Variants in UBR3 observed in about 807,000 individuals in gnomAD.
UBR3 encodes E3 ubiquitin-protein ligase UBR3.
In UBR3, 85 loss-of-function variants were observed where a neutral mutation model predicts 243.2. The ratio of observed to expected loss-of-function variants is 0.35; its 90% CI spans 0.29 to 0.42. UBR3 has a LOEUF of 0.42. Ranked by LOEUF, UBR3 falls within the 10% of genes least tolerant of loss-of-function variation. UBR3 has a pLI of 1.00. For missense variants in UBR3, 1,686 were observed against 2,300.8 expected, an observed-to-expected ratio of 0.73 and a Z score of 5.47; for synonymous variants, 748 against 799.8, an observed-to-expected ratio of 0.94 and a Z score of 1.09.
chr2:169,844,279 G>A (rs755771495), intron 1 of UBR3, among the ~76,000 whole-genome samples: 2 of 152,098 alleles, frequency 1.3e-5, no homozygotes, highest in Non-Finnish European at 2.9e-5. Context: ...GATTACAGGC[G>A]TGAGCCACTG....
intron 1 of UBR3, among the ~76,000 whole-genome samples, chr2:169,852,688 CAA>C (rs34608160): frequency 1.2e-4 from 12 of 99,338 alleles, no homozygotes; most frequent in Admixed American, 1.0e-4. Context: ...ACTAAAAATA[CAA>C]AAAAAAAAAA....
rs1378185774 is a variant in UBR3, at chr2:169,967,231, C to G, written c.3634+8705C>G. The stretch of plus-strand genomic sequence containing the variant: ...ATTAAAGCAAATTGAGGAGAGTATG[C>G]CCCCCCCACCCCCCTACAGGGTATG... On this transcript the variant is annotated intron_variant, in intron 24 of 38. Coordinates refer to ENST00000272793, the MANE Select transcript of UBR3 (RefSeq NM_172070.4). Among the ~76,000 whole-genome samples the G allele has an allele frequency of 5.9e-3, 611 of 103,998 alleles. 2 individuals carry two copies. Among genetic ancestry groups the G allele is most frequent in the African/African-American group, 0.02 (591 of 29,146 alleles). The allele number at this position is 103,998 out of a possible 152,430, so 68.2% of individuals were successfully genotyped here.
In UBR3 at chr2:169,949,922, C is replaced by T. The variant is rs372803850; in HGVS notation, c.3402C>T (p.Ala1134=). 6.1e-5 allele frequency: 99 copies of T among 1,613,240 alleles called. No homozygotes were observed. The African/African-American group carries it at 6.7e-4, about 11-fold the overall frequency. ...ACAGTCATGGAGATGGTATAACTGC[C>T]GTGGAAAGAATTTTACTAAAAGCTG... ...PKYSHGDGIT[A]VERILLKAAS... Residue 1134 remains alanine, a synonymous_variant, in exon 23 of 39, where the codon GCC becomes GCT. Coordinates refer to ENST00000272793, the MANE Select transcript of UBR3 (RefSeq NM_172070.4).
chr2:170,046,404 A>C (rs1428198716), intron 32 of UBR3, among the ~76,000 whole-genome samples: 2 of 152,142 alleles, frequency 1.3e-5, no homozygotes, highest in African/African-American at 4.8e-5. Context: ...TATTTGTTGA[A>C]GAATCTGAGT....
At chr2:169,915,013 G>T (rs139490311) in intron 11 of UBR3, among the ~76,000 whole-genome samples, 1 of 152,074 alleles carries the variant, frequency 6.6e-6, no homozygotes, top group African/African-American at 2.4e-5. Flanking sequence ...ATGCATTTCA[G>T]TGTTTCCTAC....
At chr2:170,046,054 C>T (rs2091079934) in intron 32 of UBR3, among the ~76,000 whole-genome samples, 1 of 150,098 alleles carries the variant, frequency 6.7e-6, no homozygotes, top group African/African-American at 2.5e-5. Context: ...GCAACCTCTG[C>T]CTCCTGGGTT....
At position 169,926,991 on chromosome 2, in the gene UBR3, A is replaced by C. The variant is rs1340502907; in HGVS notation, c.2338+20A>C. 1.9e-6 allele frequency: 3 copies of C among 1,539,176 alleles called. No individual in the cohort carries two copies. Among genetic ancestry groups the C allele is most frequent in the South Asian group, 2.4e-5 (2 of 83,508 alleles). The stretch of plus-strand genomic sequence containing the variant: ...ATTTAGGTAAAACTCACTGATACTA[A>C]TACTTATGCATTAACTGTTTTCCTC... On this transcript the variant is annotated intron_variant, in intron 16 of 38. Coordinates refer to ENST00000272793, the MANE Select transcript of UBR3 (RefSeq NM_172070.4).
At chr2:169,890,583 A>ATATATATATGTATATATATGTATATATG (rs2084332784) in intron 5 of UBR3, among the ~76,000 whole-genome samples, 4 of 94,144 alleles carry the variant, frequency 4.2e-5, no homozygotes, top group African/African-American at 1.8e-4. Flanking sequence ...ATATATATGT[A>ATATATATATGTATATATATGTATATATG]TATATATATG....
chr2:170,041,073 T>A, intron 32 of UBR3, 88 bp downstream of exon 32: 1 of 1,307,130 alleles, frequency 7.7e-7, no homozygotes, highest in Non-Finnish European at 1.1e-6. Context: ...CTGGGTGTGG[T>A]GGCTCATGCT....
chr2:169,894,796 G>A (rs2084518604), intron 6 of UBR3, among the ~76,000 whole-genome samples: 2 of 152,208 alleles, frequency 1.3e-5, no homozygotes, highest in South Asian at 4.1e-4. Context: ...GTGAGATACT[G>A]TTTTTTCCAG....
intron 8 of UBR3, among the ~76,000 whole-genome samples, chr2:169,902,059 G>T (rs2084844795): frequency 6.6e-6 from 1 of 152,192 alleles, no homozygotes; most frequent in African/African-American, 2.4e-5. Flanking sequence ...TTGTGTGTGT[G>T]TGTATGTACA....
intron 1 of UBR3, among the ~76,000 whole-genome samples, chr2:169,858,985 T>A (rs1365465304): frequency 6.6e-6 from 1 of 152,182 alleles, no homozygotes; most frequent in African/African-American, 2.4e-5. Context: ...TATCTGTTCC[T>A]TTGTATATAA....
chr2:169,909,799 T>A (rs1264488900), intron 10 of UBR3, among the ~76,000 whole-genome samples: 1 of 152,166 alleles, frequency 6.6e-6, no homozygotes, highest in African/African-American at 2.4e-5. Context: ...CATGTGTTTA[T>A]TTTTTGTCAA....
At chr2:169,940,401 T>C (rs1229347219) in intron 19 of UBR3, among the ~76,000 whole-genome samples, 1 of 152,204 alleles carries the variant, frequency 6.6e-6, no homozygotes, top group African/African-American at 2.4e-5. Flanking sequence ...AATGTCTGCA[T>C]GTCTGGAGTT....
rs138233075 is a variant in UBR3 at position 169,914,848 on chromosome 2, T to TTGTG, written c.1866+724_1866+727dup. Among the ~76,000 whole-genome samples, 55 of 93,740 alleles carry TTGTG rather than the reference T, an allele frequency of 5.9e-4. No individual in the cohort carries two copies. In the Middle Eastern group the frequency reaches 0.023, roughly 40 times the overall value. 61.5% of individuals were successfully genotyped at this position (93,740 alleles called of 152,430 possible). Reference sequence around the variant, plus strand: ...GTGGAGGGCAGGCAAATTTTATCTCTTGTGTGTGTGTGTGTGTGTGTGTGT... The same window carrying TTGTG: ...GTGGAGGGCAGGCAAATTTTATCTCTTGTGTGTGTGTGTGTGTGTGTGTGTGTGT... On this transcript the variant is annotated intron_variant, in intron 11 of 38. Coordinates refer to ENST00000272793, the MANE Select transcript of UBR3 (RefSeq NM_172070.4).
At position 170,061,413 on chromosome 2, in the gene UBR3, C is replaced by T; in HGVS notation, c.4989C>T (p.His1663=). 6.2e-7 allele frequency: 1 copy of T among 1,614,002 alleles called. No individual in the cohort carries two copies. The highest frequency in any genetic ancestry group is 8.5e-7 in the Non-Finnish European group (1 of 1,179,992). The change falls in exon 35 of 39, where the codon CAC becomes CAT. Residue 1663 remains histidine, a synonymous_variant. Coordinates refer to ENST00000272793, the MANE Select transcript of UBR3 (RefSeq NM_172070.4). ...GAATCACCAGCCTTCTTCAGCACCA[C>T]CTTTTTGGGGAAGATTTACCTAGCT... ...FLRITSLLQH[H]LFGEDLPSCQ...
chr2:170,000,437 A>G (rs2089655708), intron 26 of UBR3, among the ~76,000 whole-genome samples: 1 of 152,232 alleles, frequency 6.6e-6, no homozygotes, highest in Non-Finnish European at 1.5e-5. Context: ...GACCAAAATC[A>G]TGAATTATTT....
chr2:169,864,766 G>A (rs906789620), intron 1 of UBR3, among the ~76,000 whole-genome samples: 1 of 152,070 alleles, frequency 6.6e-6, no homozygotes, highest in South Asian at 2.1e-4. Flanking sequence ...AATTAGCTGG[G>A]CATGGTGGCG....
At chr2:170,075,703 C>T (rs73019599) in intron 36 of UBR3, among the ~76,000 whole-genome samples, 6,499 of 152,120 alleles carry the variant, frequency 0.043, 150 homozygotes, top group Middle Eastern at 0.061. Context: ...CTAGGTCAAC[C>T]AGATTCTCTT....
Sources: gnomAD v4.1 joint callset for allele counts (sites outside exome capture counted in the v4.1 genomes callset) on GRCh38, gnomAD v4.1.1 for gene constraint, MANE v1.5 for transcripts, NCBI Gene and HGNC (gene_info 2026-07-23, HGNC 2026-07-21) for gene names.